The following RBFOX3 variants were observed in gnomAD, a reference collection of about 807,000 sequenced individuals.
RBFOX3 encodes RNA binding fox-1 homolog 3, also known as RNA binding protein fox-1 homolog 3.
Under a neutral mutation model 48.7 loss-of-function variants are expected in RBFOX3, and 17 were observed. That is an observed-to-expected ratio of 0.35 (90% confidence interval 0.24 to 0.52). RBFOX3 has a LOEUF of 0.52. RBFOX3 is among the 20% of genes least tolerant of loss of function. The pLI, the probability that RBFOX3 is intolerant of heterozygous loss-of-function variation, is 0.94. For missense variants in RBFOX3, 382 were observed against 497.5 expected, an observed-to-expected ratio of 0.77 and a Z score of 2.21; for synonymous variants, 212 against 209.5, an observed-to-expected ratio of 1.01 and a Z score of -0.10.
intron 2 of RBFOX3, among the ~76,000 whole-genome samples, chr17:79,372,452 T>TC (rs1598419986): frequency 7.0e-6 from 1 of 142,690 alleles, no homozygotes; most frequent in African/African-American, 2.7e-5. Flanking sequence ...GTTTTATGTC[T>TC]CCCCCCTGGA....
the RBFOX3 span, among the ~76,000 whole-genome samples, chr17:79,662,374 A>G: frequency 6.6e-6 from 1 of 151,882 alleles, no homozygotes; most frequent in African/African-American, 2.4e-5. Flanking sequence ...CGCCCACCTC[A>G]GCCTCCCAAA....
intron 2 of RBFOX3, among the ~76,000 whole-genome samples, chr17:79,407,055 G>T (rs974026750): frequency 6.6e-6 from 1 of 152,226 alleles, no homozygotes; most frequent in African/African-American, 2.4e-5. Flanking sequence ...TGTCGCCCAG[G>T]CTGGAGTGCC....
chr17:79,238,371 T>G (rs1303329628), intron 3 of RBFOX3, among the ~76,000 whole-genome samples: 1 of 152,248 alleles, frequency 6.6e-6, no homozygotes, highest in Admixed American at 6.5e-5. Flanking sequence ...GTCCAGAGCC[T>G]TGGAAGGGTA....
chr17:79,234,636 A>T (rs1323929247), intron 4 of RBFOX3: 1 of 150,310 alleles, frequency 6.7e-6, no homozygotes, highest in Admixed American at 6.6e-5. Context: ...ATTACAGATG[A>T]TCTCCAACTT....
chr17:79,566,570 C>T (rs1272799182), intron 1 of RBFOX3, among the ~76,000 whole-genome samples: 1 of 152,216 alleles, frequency 6.6e-6, no homozygotes, highest in East Asian at 1.9e-4. Flanking sequence ...TCCTTCCATG[C>T]TTTGAGGAAA....
rs2086521495 is a variant in RBFOX3 at position 79,362,334 on chromosome 17, C to T, written c.-174-54510G>A. 6.6e-6 allele frequency among the ~76,000 whole-genome samples: 1 copy of T among 152,230 alleles called. No homozygotes were observed. Among genetic ancestry groups the T allele is most frequent in the South Asian group, 2.1e-4 (1 of 4,828 alleles). ...GGCCCTTCAGGGCTTGGCTGAGATC[C>T]CCGGCCAGCGTCTGCGTAGGACGGT... On this transcript the variant is annotated intron_variant, in intron 2 of 14. Coordinates refer to ENST00000693108, the MANE Select transcript of RBFOX3 (RefSeq NM_001350451.2). This position sits in a 1 kb window ranked among gnomAD's most constrained non-coding sequence, Gnocchi z 4.2.
rs191666837 is a variant in RBFOX3 at position 79,445,645 on chromosome 17, T to C, written c.-175+36809A>G. Among the ~76,000 whole-genome samples the C allele has an allele frequency of 1.2e-4, 19 of 152,360 alleles. No individual in the cohort carries two copies. In the East Asian group the frequency reaches 1.9e-3, roughly 15 times the overall value. Reference sequence around the variant, plus strand: ...AAAAGCATCTGTCTGCACAGCCTGCTTTCCTGGGGGCAAAGCCGGGGAGGC... The same window carrying C: ...AAAAGCATCTGTCTGCACAGCCTGCCTTCCTGGGGGCAAAGCCGGGGAGGC... On this transcript the variant is annotated intron_variant, in intron 2 of 14. Transcript: ENST00000693108.
At chr17:79,553,743 G>A (rs2091362124) in intron 1 of RBFOX3, among the ~76,000 whole-genome samples, 1 of 151,858 alleles carries the variant, frequency 6.6e-6, no homozygotes, top group Non-Finnish European at 1.5e-5. Context: ...TCGTTTTTGA[G>A]ACAGAGTCTC....
chr17:79,490,489 C>T (rs201184768), intron 1 of RBFOX3, among the ~76,000 whole-genome samples: 2 of 152,204 alleles, frequency 1.3e-5, no homozygotes, highest in South Asian at 4.2e-4. Flanking sequence ...TAGGGAGTAC[C>T]GTGGGCTCAA....
intron 3 of RBFOX3, among the ~76,000 whole-genome samples, chr17:79,274,420 C>T (rs905735522): frequency 6.6e-6 from 1 of 152,216 alleles, no homozygotes; most frequent in African/African-American, 2.4e-5. Context: ...ATGGTAAGTG[C>T]TCAGCCAAAC....
chr17:79,607,824 T>C lies in RBFOX3; in HGVS notation c.-320+3002A>G, dbSNP rs1020025636. On this transcript the variant is annotated intron_variant, in intron 1 of 14. Transcript: ENST00000693108. ...ATGGCATTTTCTCTGGCCACTACAG[T>C]GTCTAGTTCATCCCTAGACACCAAA... is the stretch of plus-strand genomic sequence containing the variant. Among the ~76,000 whole-genome samples, 21 of 152,240 alleles carry C rather than the reference T, an allele frequency of 1.4e-4. No homozygotes were observed. The East Asian group carries it at 4.1e-3, about 29-fold the overall frequency.
intron 3 of RBFOX3, among the ~76,000 whole-genome samples, chr17:79,238,693 T>A (rs976058407): frequency 6.6e-6 from 1 of 152,266 alleles, no homozygotes; most frequent in African/African-American, 2.4e-5. Flanking sequence ...GAGAGATTGC[T>A]GGCATTTCTT....
chr17:79,648,348 G>T, the RBFOX3 span, among the ~76,000 whole-genome samples: 1 of 152,144 alleles, frequency 6.6e-6, no homozygotes, highest in Non-Finnish European at 1.5e-5. Context: ...TAACTCACGG[G>T]CACGTCCTCC....
intron 2 of RBFOX3, among the ~76,000 whole-genome samples, chr17:79,372,722 C>T (rs1481664022): frequency 3.3e-5 from 5 of 151,898 alleles, no homozygotes; most frequent in African/African-American, 1.2e-4. Context: ...TAACCCTTCT[C>T]ATGCTCCAGA....
the RBFOX3 span, among the ~76,000 whole-genome samples, chr17:79,652,302 C>T: frequency 6.6e-6 from 1 of 151,840 alleles, no homozygotes; most frequent in African/African-American, 2.4e-5. Context: ...AGAATGTTTG[C>T]AAGTTAAATA....
intron 1 of RBFOX3, among the ~76,000 whole-genome samples, chr17:79,547,836 A>G (rs147660191): frequency 7.6e-6 from 1 of 132,342 alleles, no homozygotes; most frequent in African/African-American, 4.0e-5. Flanking sequence ...CTGTACTCGC[A>G]CCCACACCGA....
At chr17:79,134,203 A>C (rs1055987785) in intron 4 of RBFOX3, among the ~76,000 whole-genome samples, 4 of 152,234 alleles carry the variant, frequency 2.6e-5, no homozygotes, top group African/African-American at 7.2e-5. Flanking sequence ...AGCTCCAAGA[A>C]GGCGGCTTCA....
At chr17:79,607,193 T>C (rs1384402701) in intron 1 of RBFOX3, among the ~76,000 whole-genome samples, 1 of 152,140 alleles carries the variant, frequency 6.6e-6, no homozygotes, top group Non-Finnish European at 1.5e-5. Flanking sequence ...GTAGGTTCCC[T>C]ACCAACCAAC....
chr17:79,090,867 G>C lies in RBFOX3; in HGVS notation c.*16C>G. 2 of 1,528,308 alleles carry C rather than the reference G, an allele frequency of 1.3e-6. No individual in the cohort carries two copies. Among genetic ancestry groups the C allele is most frequent in the Non-Finnish European group, 1.8e-6 (2 of 1,139,392 alleles). 94.7% of individuals were successfully genotyped at this position (1,528,308 alleles called of 1,614,324 possible). A position where few individuals can be genotyped will look rare whatever the true frequency, so the allele number is the denominator to read the frequency against. ...TTTTTGCCCTTCATGGTCCGAGAAG[G>C]AAACGGTGGAAGGTTTCACTACAAC... On this transcript the variant is annotated 3_prime_UTR_variant, in exon 15 of 15. Transcript: ENST00000693108.
Sources: allele counts gnomAD v4.1 joint callset (sites outside exome capture counted in the v4.1 genomes callset), GRCh38; gene constraint gnomAD v4.1.1; non-coding constraint Gnocchi (gnomAD v3.1); transcripts MANE v1.5; gene names NCBI Gene and HGNC (gene_info 2026-07-23, HGNC 2026-07-21).